NELL1: variants seen among roughly 807,000 people sequenced by gnomAD.
The protein encoded by NELL1 is protein kinase C-binding protein NELL1.
Under a neutral mutation model 107.4 loss-of-function variants are expected in NELL1, and 76 were observed. The observed-to-expected ratio is 0.71, with a 90% confidence interval of 0.59 to 0.86. The LOEUF (loss-of-function observed/expected upper bound fraction) is 0.86, where lower values mean the gene tolerates loss of function less well. Among genes scored for constraint, NELL1 ranks in the 40% least tolerant of loss-of-function variants. The pLI, the probability that NELL1 is intolerant of heterozygous loss-of-function variation, is 0.00. For synonymous variants in NELL1, 353 were observed against 341.2 expected (o/e 1.03, Z -0.38); for missense variants, 1,024 against 1,005.5 (o/e 1.02, Z -0.25).
chr11:20,919,080 T>A (rs1193964907), intron 6 of NELL1, among the ~76,000 whole-genome samples, 172 bp from the exon 7 acceptor site: 1 of 151,900 alleles, frequency 6.6e-6, no homozygotes, highest in Non-Finnish European at 1.5e-5. Context: ...CTTATTAAAG[T>A]AGGAAAAGAT....
intron 7 of NELL1, among the ~76,000 whole-genome samples, chr11:20,920,006 A>C (rs1191315788): frequency 6.6e-6 from 1 of 152,150 alleles, no homozygotes; most frequent in Non-Finnish European, 1.5e-5. Flanking sequence ...ATATGTTCAT[A>C]CTGAGTGGCG....
intron 15 of NELL1, among the ~76,000 whole-genome samples, chr11:21,441,473 G>C (rs1853284495): frequency 6.6e-6 from 1 of 151,218 alleles, no homozygotes; most frequent in African/African-American, 2.4e-5. Flanking sequence ...ATCATGGCTT[G>C]TACTACTTTG....
At chr11:21,451,940 C>A (rs1284037198) in intron 15 of NELL1, among the ~76,000 whole-genome samples, 1 of 152,016 alleles carries the variant, frequency 6.6e-6, no homozygotes, top group Admixed American at 6.6e-5. Flanking sequence ...ATTGGAATGG[C>A]TTTGTGGTGT....
chr11:21,527,627 G>T (rs1255467103), intron 15 of NELL1, among the ~76,000 whole-genome samples: 1 of 152,212 alleles, frequency 6.6e-6, no homozygotes, highest in Non-Finnish European at 1.5e-5. Context: ...TAGGCCATCT[G>T]CAAACTGAGG....
At chr11:21,181,803 A>G (rs1310370734) in intron 13 of NELL1, among the ~76,000 whole-genome samples, 3 of 151,868 alleles carry the variant, frequency 2.0e-5, no homozygotes, top group Admixed American at 6.6e-5. Flanking sequence ...AGAAAATACA[A>G]CACCTTAATT....
intron 4 of NELL1, among the ~76,000 whole-genome samples, chr11:20,877,844 C>T (rs367902136): frequency 4.6e-5 from 7 of 152,236 alleles, no homozygotes; most frequent in South Asian, 4.2e-4. Flanking sequence ...TAATTCTCCC[C>T]GTACAGCTTA....
At chr11:21,077,158 TA>T (rs2134388359) in intron 12 of NELL1, among the ~76,000 whole-genome samples, 1 of 152,216 alleles carries the variant, frequency 6.6e-6, no homozygotes, top group Non-Finnish European at 1.5e-5. Flanking sequence ...TCTGTTTCTT[TA>T]AAGATGCATA....
intron 2 of NELL1, among the ~76,000 whole-genome samples, chr11:20,743,459 G>C (rs555545702): frequency 1.3e-5 from 2 of 152,238 alleles, no homozygotes; most frequent in African/African-American, 4.8e-5. Context: ...TTCTAGACAT[G>C]AGTTGTTGTA....
chr11:21,453,682 T>G (rs189224932), intron 15 of NELL1, among the ~76,000 whole-genome samples: 1 of 152,234 alleles, frequency 6.6e-6, no homozygotes. Context: ...GCTTAAATTT[T>G]ATTTACACCA....
At chr11:20,885,302 A>G in intron 4 of NELL1, 142 bp from the exon 5 acceptor site, 1 of 605,562 alleles carries the variant, frequency 1.7e-6, no homozygotes, top group South Asian at 1.9e-5. Context: ...CTCTACATTC[A>G]TGTTATCTGT....
chr11:21,021,170 G>C (rs1852692046), intron 12 of NELL1, among the ~76,000 whole-genome samples: 1 of 151,274 alleles, frequency 6.6e-6, no homozygotes. Context: ...TTTGCCTTAA[G>C]AGTTGAGATA....
At chr11:21,549,439 A>G (rs1591027047) in intron 16 of NELL1, among the ~76,000 whole-genome samples, 1 of 151,974 alleles carries the variant, frequency 6.6e-6, no homozygotes, top group East Asian at 1.9e-4. Flanking sequence ...AGGAAGATAC[A>G]TGAAAGATAC....
At chr11:21,474,632 A>G (rs369893311) in intron 15 of NELL1, among the ~76,000 whole-genome samples, 67 of 152,232 alleles carry the variant, frequency 4.4e-4, no homozygotes, top group African/African-American at 1.5e-3. Flanking sequence ...CACTGCACCA[A>G]AATTACTTTG....
chr11:21,571,971 ATTT>A (rs1331495749), intron 18 of NELL1, among the ~76,000 whole-genome samples: 1 of 151,842 alleles, frequency 6.6e-6, no homozygotes, highest in Non-Finnish European at 1.5e-5. Context: ...TTTCCATCAG[ATTT>A]TTTTAAATCT....
intron 3 of NELL1, among the ~76,000 whole-genome samples, chr11:20,798,447 A>C (rs1315084050): frequency 6.6e-6 from 1 of 152,190 alleles, no homozygotes; most frequent in Non-Finnish European, 1.5e-5. Flanking sequence ...ATAAATTCAC[A>C]ATTTCATTAA....
chr11:21,191,004 A>G (rs1398827430), intron 13 of NELL1, among the ~76,000 whole-genome samples: 1 of 151,864 alleles, frequency 6.6e-6, no homozygotes, highest in African/African-American at 2.4e-5. Flanking sequence ...GGGTGGTTTG[A>G]GAGCATGGGT....
chr11:21,186,701 C>T (rs1315440212), intron 13 of NELL1, among the ~76,000 whole-genome samples: 1 of 151,818 alleles, frequency 6.6e-6, no homozygotes, highest in Non-Finnish European at 1.5e-5. Flanking sequence ...GGAGGAAAAT[C>T]AGTCTCATTT....
In NELL1 at chr11:21,499,557, A is replaced by G. The variant is rs77494942; in HGVS notation, c.1646-34817A>G. 0.017 allele frequency among the ~76,000 whole-genome samples: 2,551 copies of G among 152,196 alleles called. 199 individuals are homozygous for G. In the East Asian group the frequency reaches 0.26, roughly 16 times the overall value. On this transcript the variant is annotated intron_variant, in intron 15 of 19. Transcript: ENST00000357134. ...CACAGAATTAAAATTCATCAACTGG[A>G]ATGTCCAGCTGCCTCTGCTTCTATA...
At chr11:21,478,011 A>G (rs1025117223) in intron 15 of NELL1, among the ~76,000 whole-genome samples, 6 of 152,080 alleles carry the variant, frequency 3.9e-5, no homozygotes, top group African/African-American at 1.4e-4. Context: ...CTATAAAGAT[A>G]CTACCAGAAA....
Sources: gnomAD v4.1 joint callset for allele counts (sites outside exome capture counted in the v4.1 genomes callset) on GRCh38, gnomAD v4.1.1 for gene constraint, MANE v1.5 for transcripts, NCBI Gene and HGNC (gene_info 2026-07-23, HGNC 2026-07-21) for gene names.